IKZF2: variants seen among roughly 807,000 people sequenced by gnomAD.
IKZF2 encodes IKAROS family zinc finger 2, also known as zinc finger protein Helios.
Under a neutral mutation model 49.2 loss-of-function variants are expected in IKZF2, and 15 were observed. That is an observed-to-expected ratio of 0.30 (90% confidence interval 0.20 to 0.47). The LOEUF is 0.47. IKZF2 is among the 20% of genes least tolerant of loss of function. The probability of loss-of-function intolerance (pLI) is 1.00; values close to 1 mark genes in which losing one functional copy is unlikely to be tolerated. For missense variants in IKZF2, 567 were observed against 664.6 expected, an observed-to-expected ratio of 0.85 and a Z score of 1.61; for synonymous variants, 227 against 221.4, an observed-to-expected ratio of 1.03 and a Z score of -0.23.
At chr2:213,076,405 G>T (rs930992181) in intron 4 of IKZF2, among the ~76,000 whole-genome samples, 2 of 152,148 alleles carry the variant, frequency 1.3e-5, no homozygotes, top group African/African-American at 4.8e-5. Context: ...CACAAATAAT[G>T]TGTAGTAGGC....
At chr2:213,102,371 T>G (rs1574849973) in intron 4 of IKZF2, among the ~76,000 whole-genome samples, 1 of 152,034 alleles carries the variant, frequency 6.6e-6, no homozygotes, top group East Asian at 1.9e-4. Context: ...AATTTGCAAA[T>G]TGATAATTTT....
intron 4 of IKZF2, among the ~76,000 whole-genome samples, chr2:213,108,947 C>G (rs6755084): frequency 0.09 from 13,632 of 151,794 alleles, 1,648 homozygotes; most frequent in African/African-American, 0.28. Context: ...ATATATGGCA[C>G]GCTTTTCTTT....
At chr2:213,099,634 A>G (rs1706421449) in intron 4 of IKZF2, among the ~76,000 whole-genome samples, 1 of 152,118 alleles carries the variant, frequency 6.6e-6, no homozygotes, top group South Asian at 2.1e-4. Flanking sequence ...AACATTCTTT[A>G]CCCAGTACAT....
At chr2:213,008,210 T>A in intron 8 of IKZF2, 126 bp from the exon 9 acceptor site, 1 of 1,140,024 alleles carries the variant, frequency 8.8e-7, no homozygotes, top group Non-Finnish European at 1.2e-6. Flanking sequence ...ATTTGGTATA[T>A]ATTACTCTAT....
chr2:213,045,925 C>T (rs1462218201), intron 6 of IKZF2, among the ~76,000 whole-genome samples: 1 of 152,170 alleles, frequency 6.6e-6, no homozygotes, highest in East Asian at 1.9e-4. Flanking sequence ...TCATACCCTG[C>T]CATGATGAAA....
chr2:213,024,763 C>A (rs548032796), intron 6 of IKZF2, among the ~76,000 whole-genome samples: 1 of 152,168 alleles, frequency 6.6e-6, no homozygotes, highest in Admixed American at 6.6e-5. Context: ...ACAATCCCTG[C>A]AAATTCAATG....
intron 6 of IKZF2, among the ~76,000 whole-genome samples, chr2:213,027,925 T>C (rs1697992270): frequency 6.6e-6 from 1 of 152,158 alleles, no homozygotes; most frequent in Non-Finnish European, 1.5e-5. Flanking sequence ...AATATGTGTC[T>C]GTACTATATA....
intron 4 of IKZF2, among the ~76,000 whole-genome samples, chr2:213,100,437 G>T (rs1167285900): frequency 1.3e-5 from 2 of 151,798 alleles, no homozygotes; most frequent in Non-Finnish European, 2.9e-5. Flanking sequence ...CTTATTAATG[G>T]TGTTTCACTT....
At chr2:213,068,912 A>AACACAC (rs3069572) in intron 4 of IKZF2, among the ~76,000 whole-genome samples, 48,498 of 146,938 alleles carry the variant, frequency 0.33, 8,768 homozygotes, top group East Asian at 0.54. Flanking sequence ...GGAGGGAGAA[A>AACACAC]ACACACACAC....
chr2:213,147,417 A>C, intron 4 of IKZF2: 1 of 544,948 alleles, frequency 1.8e-6, no homozygotes, highest in Non-Finnish European at 3.2e-6. Context: ...CAAAAAATCC[A>C]GTCATAAACC....
intron 4 of IKZF2, among the ~76,000 whole-genome samples, chr2:213,100,818 A>G (rs1363743462): frequency 6.6e-6 from 1 of 152,066 alleles, no homozygotes; most frequent in African/African-American, 2.4e-5. Flanking sequence ...AGAAGTCCCA[A>G]TATTATAAAT....
At chr2:213,109,816 T>C (rs2059643453) in intron 4 of IKZF2, among the ~76,000 whole-genome samples, 1 of 152,020 alleles carries the variant, frequency 6.6e-6, no homozygotes, top group Non-Finnish European at 1.5e-5. Flanking sequence ...TAAAGTTGCA[T>C]ATTGTATAAA....
intron 4 of IKZF2, among the ~76,000 whole-genome samples, chr2:213,115,512 G>A (rs957093149): frequency 6.6e-6 from 1 of 152,154 alleles, no homozygotes; most frequent in Non-Finnish European, 1.5e-5. Context: ...TGAGATAATG[G>A]GAGCTTGCCT....
At chr2:213,040,247 T>G (rs6718705) in intron 6 of IKZF2, among the ~76,000 whole-genome samples, 3,440 of 150,180 alleles carry the variant, frequency 0.023, 55 homozygotes, top group African/African-American at 0.052. Flanking sequence ...TCATGGGTTT[T>G]TTTTTTTTTT....
At position 213,007,817 on chromosome 2, in the gene IKZF2, C is replaced by T. The variant is rs912203298; in HGVS notation, c.1124G>A (p.Ser375Asn). The T allele has an allele frequency of 6.2e-7, 1 of 1,613,670 alleles. No homozygotes were observed. The highest frequency in any genetic ancestry group is 1.3e-5 in the African/African-American group (1 of 74,996). Residue 375 changes from serine (S) to asparagine (N), a missense_variant, in exon 9 of 9, where the codon AGT (serine) becomes AAT (asparagine). This residue lies in a region of IKZF2 where 310 missense variants were observed against 326.9 expected (regional missense o/e 0.95). Transcript: ENST00000434687. ...ERPISRETADSHENNMDGPIS... is the reference protein window; with the variant it reads ...ERPISRETADNHENNMDGPIS... ...GGGGCCATCCATGTTGTTTTCATGACTATCAGCAGTTTCCCTGCTAATGGG... is the reference window on the plus strand; with the variant it reads ...GGGGCCATCCATGTTGTTTTCATGATTATCAGCAGTTTCCCTGCTAATGGG...
intron 7 of IKZF2, among the ~76,000 whole-genome samples, chr2:213,018,190 A>G (rs534585988): frequency 1.1e-4 from 16 of 152,302 alleles, no homozygotes; most frequent in African/African-American, 3.6e-4. Flanking sequence ...GACTTGAAAA[A>G]GCAACATAAA....
intron 4 of IKZF2, among the ~76,000 whole-genome samples, chr2:213,064,287 T>G (rs1701968437): frequency 6.6e-6 from 1 of 152,016 alleles, no homozygotes; most frequent in South Asian, 2.1e-4. Context: ...GTGGTCAAGT[T>G]TTGACAGTCT....
chr2:213,061,749 T>C (rs1701714053), intron 4 of IKZF2, among the ~76,000 whole-genome samples: 1 of 151,418 alleles, frequency 6.6e-6, no homozygotes, highest in African/African-American at 2.4e-5. Flanking sequence ...GCAAAAAAAA[T>C]ACTATTAACT....
chr2:213,146,760 G>GGGGC (rs1553604943), intron 4 of IKZF2, among the ~76,000 whole-genome samples: 1 of 2,654 alleles, frequency 3.8e-4, no homozygotes, highest in Non-Finnish European at 8.9e-4. Flanking sequence ...TTAAATCTTC[G>GGGGC]GGGGGGGGGA....
Sources: allele counts gnomAD v4.1 joint callset (sites outside exome capture counted in the v4.1 genomes callset), GRCh38; gene constraint gnomAD v4.1.1; regional missense constraint gnomAD v4.1.1; transcripts MANE v1.5; gene names NCBI Gene and HGNC (gene_info 2026-07-23, HGNC 2026-07-21).